CTIF: variants seen among roughly 807,000 people sequenced by gnomAD.
CTIF encodes cap binding complex dependent translation initiation factor.
In CTIF, 21 loss-of-function variants were observed where a neutral mutation model predicts 66.0. The ratio of observed to expected loss-of-function variants is 0.32; its 90% CI spans 0.23 to 0.46. The LOEUF (loss-of-function observed/expected upper bound fraction) is 0.46, where lower values mean the gene tolerates loss of function less well. CTIF is among the 20% of genes least tolerant of loss of function. The probability of loss-of-function intolerance (pLI) is 1.00; values close to 1 mark genes in which losing one functional copy is unlikely to be tolerated. For synonymous variants in CTIF, 345 were observed against 326.4 expected (o/e 1.06, Z -0.62); for missense variants, 739 against 812.7 (o/e 0.91, Z 1.10).
chr18:48,676,925 T>C (rs1301867498), intron 6 of CTIF, among the ~76,000 whole-genome samples: 2 of 151,706 alleles, frequency 1.3e-5, no homozygotes. Context: ...GGAGTGAAAA[T>C]GGTGGCCGAT....
intron 3 of CTIF, among the ~76,000 whole-genome samples, chr18:48,640,282 G>A (rs996348382): frequency 1.2e-4 from 19 of 152,208 alleles, no homozygotes; most frequent in African/African-American, 3.9e-4. Flanking sequence ...AAGCTGTTCC[G>A]CGCACACCTG....
At chr18:48,807,828 C>T (rs184504227) in intron 9 of CTIF, among the ~76,000 whole-genome samples, 1 of 152,092 alleles carries the variant, frequency 6.6e-6, no homozygotes. Flanking sequence ...ATGATCTGCC[C>T]ATCTCAGCCT....
chr18:48,643,667 C>T (rs1026312609), intron 3 of CTIF, among the ~76,000 whole-genome samples: 1 of 152,144 alleles, frequency 6.6e-6, no homozygotes, highest in Non-Finnish European at 1.5e-5. Flanking sequence ...AGTCTAACTT[C>T]TATGGCTAGC....
At chr18:48,708,452 A>G (rs2092186210) in intron 6 of CTIF, among the ~76,000 whole-genome samples, 1 of 152,206 alleles carries the variant, frequency 6.6e-6, no homozygotes, top group Non-Finnish European at 1.5e-5. Flanking sequence ...AGCTTGTGTC[A>G]ACACAGTGCC....
intron 3 of CTIF, among the ~76,000 whole-genome samples, chr18:48,658,905 C>T (rs1019862754): frequency 1.3e-5 from 2 of 152,120 alleles, no homozygotes; most frequent in African/African-American, 4.8e-5. Flanking sequence ...CGTTGGGCTC[C>T]TGGTTGTCCA....
chr18:48,563,579 C>A (rs916592971), intron 1 of CTIF, among the ~76,000 whole-genome samples: 6 of 152,244 alleles, frequency 3.9e-5, no homozygotes, highest in African/African-American at 1.4e-4. Flanking sequence ...TCAAGCAATT[C>A]TCCTGCCTCA....
At chr18:48,711,932 C>T (rs1009006572) in intron 7 of CTIF, among the ~76,000 whole-genome samples, 4 of 152,158 alleles carry the variant, frequency 2.6e-5, no homozygotes, top group Non-Finnish European at 5.9e-5. Context: ...TGAGAGCCCA[C>T]CATCACCACT....
intron 10 of CTIF, among the ~76,000 whole-genome samples, chr18:48,843,745 C>T (rs1439729143): frequency 6.6e-6 from 1 of 152,150 alleles, no homozygotes; most frequent in East Asian, 1.9e-4. Context: ...TTTGAGATGA[C>T]AGGTGAAAAC....
At chr18:48,605,396 CCT>C (rs2090183956) in intron 1 of CTIF, among the ~76,000 whole-genome samples, 1 of 152,138 alleles carries the variant, frequency 6.6e-6, no homozygotes, top group Admixed American at 6.5e-5. Context: ...CCTTATATCC[CCT>C]CCTTCTCCAT....
At chr18:48,738,533 G>GA (rs1309398910) in intron 7 of CTIF, among the ~76,000 whole-genome samples, 1 of 150,822 alleles carries the variant, frequency 6.6e-6, no homozygotes. Flanking sequence ...TGCACTGGCT[G>GA]TTCCCCCTCC....
intron 9 of CTIF, among the ~76,000 whole-genome samples, chr18:48,812,631 G>A (rs1202519218): frequency 6.6e-6 from 1 of 152,016 alleles, no homozygotes; most frequent in Admixed American, 6.5e-5. Context: ...TTATATGCCT[G>A]TAGTCCCAGC....
chr18:48,582,581 T>C (rs1426960366), intron 1 of CTIF, among the ~76,000 whole-genome samples: 1 of 152,074 alleles, frequency 6.6e-6, no homozygotes, highest in African/African-American at 2.4e-5. Context: ...CTTCCCCCTA[T>C]GTGCTGTGGT....
At chr18:48,604,567 T>C (rs774963841) in intron 1 of CTIF, among the ~76,000 whole-genome samples, 1 of 152,202 alleles carries the variant, frequency 6.6e-6, no homozygotes, top group Non-Finnish European at 1.5e-5. Flanking sequence ...TCCAAGCTAC[T>C]AAGCCAGAGA....
At chr18:48,707,770 T>C (rs1013754207) in intron 6 of CTIF, among the ~76,000 whole-genome samples, 8 of 152,198 alleles carry the variant, frequency 5.3e-5, no homozygotes, top group African/African-American at 1.7e-4. Context: ...GCTTAGTGGT[T>C]TTTAGGGTAT....
intron 10 of CTIF, among the ~76,000 whole-genome samples, chr18:48,829,061 G>A (rs2068639237): frequency 6.6e-6 from 1 of 152,244 alleles, no homozygotes; most frequent in South Asian, 2.1e-4. Context: ...ACCGGCAGCT[G>A]CTGAAGGCTT....
chr18:48,602,543 G>A (rs910512522), intron 1 of CTIF, among the ~76,000 whole-genome samples: 3 of 152,162 alleles, frequency 2.0e-5, no homozygotes, highest in Admixed American at 1.3e-4. Context: ...TGATGACTTT[G>A]CTTTCTAAGA....
intron 1 of CTIF, chr18:48,539,797 C>T (rs1426614550): frequency 6.6e-6 from 1 of 152,646 alleles, no homozygotes; most frequent in Non-Finnish European, 1.5e-5. Flanking sequence ...TAGTATCAGC[C>T]AAACTTGCAG....
At chr18:48,847,311 A>C (rs957289606) in intron 10 of CTIF, among the ~76,000 whole-genome samples, 1 of 151,704 alleles carries the variant, frequency 6.6e-6, no homozygotes, top group African/African-American at 2.4e-5. Context: ...CGTCTCAAAA[A>C]AAAAAAAAAA....
At chr18:48,699,958 A>G (rs769563379) in intron 6 of CTIF, among the ~76,000 whole-genome samples, 28 of 152,236 alleles carry the variant, frequency 1.8e-4, no homozygotes, top group Non-Finnish European at 3.5e-4. Context: ...ACGTGAGCAC[A>G]CTCCACACTG....
Sources: gnomAD v4.1 joint callset for allele counts (sites outside exome capture counted in the v4.1 genomes callset) on GRCh38, gnomAD v4.1.1 for gene constraint, MANE v1.5 for transcripts, NCBI Gene and HGNC (gene_info 2026-07-23, HGNC 2026-07-21) for gene names.